FNDC3B: variants seen among roughly 807,000 people sequenced by gnomAD.
FNDC3B encodes the protein fibronectin type III domain containing 3B, also known as fibronectin type III domain-containing protein 3B.
FNDC3B carries 12 observed loss-of-function variants against 151.5 expected under a neutral mutation model. The ratio of observed to expected loss-of-function variants is 0.08; its 90% CI spans 0.05 to 0.13. The LOEUF is 0.13. Among genes scored for constraint, FNDC3B ranks in the 10% least tolerant of loss-of-function variants. The pLI, the probability that FNDC3B is intolerant of heterozygous loss-of-function variation, is 1.00. For missense variants in FNDC3B, 1,214 were observed against 1,505.3 expected (o/e 0.81, Z 3.20); for synonymous variants, 528 against 549.0 (o/e 0.96, Z 0.54).
rs138271070 is a variant in FNDC3B at position 172,303,952 on chromosome 3, A to G, written c.1062-3411A>G. 8.5e-4 allele frequency among the ~76,000 whole-genome samples: 129 copies of G among 152,364 alleles called. 2 individuals are homozygous for G. The highest frequency in any genetic ancestry group is 4.6e-3 in the East Asian group (24 of 5,192). ...TACATTGCCATGCAAAATGGCTGAC[A>G]AAATATTATGTGTGAAAAGCATTGA... On this transcript the variant is annotated intron_variant, in intron 9 of 25. Coordinates refer to ENST00000415807, the MANE Select transcript of FNDC3B (RefSeq NM_022763.4).
At chr3:172,285,859 A>C in intron 6 of FNDC3B, 67 bp from the exon 7 acceptor site, 4 of 1,200,720 alleles carry the variant, frequency 3.3e-6, no homozygotes, top group Non-Finnish European at 4.9e-6. Flanking sequence ...GGCCTTGGGG[A>C]AGGAACTTGA....
chr3:172,104,125 A>G (rs1205361187), intron 1 of FNDC3B, among the ~76,000 whole-genome samples: 1 of 152,170 alleles, frequency 6.6e-6, no homozygotes, highest in Non-Finnish European at 1.5e-5. Flanking sequence ...CTCAAGCTGT[A>G]CTTAAATGAA....
chr3:172,056,418 C>G (rs1716923160), intron 1 of FNDC3B, among the ~76,000 whole-genome samples: 1 of 152,122 alleles, frequency 6.6e-6, no homozygotes, highest in East Asian at 1.9e-4. Context: ...TTCTTGAGCC[C>G]TTGTCTATAG....
intron 3 of FNDC3B, among the ~76,000 whole-genome samples, chr3:172,200,031 A>ATTCG (rs1315415184): frequency 6.6e-6 from 1 of 151,866 alleles, no homozygotes; most frequent in East Asian, 1.9e-4. Context: ...TCATTCATTC[A>ATTCG]TTCTCTAACC....
intron 1 of FNDC3B, among the ~76,000 whole-genome samples, chr3:172,093,600 T>G (rs1718955239): frequency 1.3e-5 from 2 of 152,236 alleles, no homozygotes; most frequent in South Asian, 4.1e-4. Context: ...TCTCTTACTG[T>G]GTCGCCCAGG....
chr3:172,248,884 G>A (rs990509079), intron 5 of FNDC3B, among the ~76,000 whole-genome samples: 1 of 147,736 alleles, frequency 6.8e-6, no homozygotes, highest in East Asian at 2.0e-4. Flanking sequence ...TTTTTTTGTA[G>A]TCAAAGAAAT....
intron 6 of FNDC3B, among the ~76,000 whole-genome samples, chr3:172,258,300 G>A (rs1272067285): frequency 6.6e-6 from 1 of 152,112 alleles, no homozygotes; most frequent in Non-Finnish European, 1.5e-5. Flanking sequence ...AGTGATGAGG[G>A]CATTATTCTT....
chr3:172,322,270 C>T (rs1732123241), intron 11 of FNDC3B, among the ~76,000 whole-genome samples: 1 of 152,180 alleles, frequency 6.6e-6, no homozygotes, highest in East Asian at 1.9e-4. Flanking sequence ...TTGGACTGGA[C>T]CTATCTGGGG....
At chr3:172,171,646 T>G (rs1723290226) in intron 3 of FNDC3B, among the ~76,000 whole-genome samples, 1 of 149,794 alleles carries the variant, frequency 6.7e-6, no homozygotes, top group Non-Finnish European at 1.5e-5. Flanking sequence ...CTCCCCTGAC[T>G]CTCAGAATTC....
Position 172,175,360 on chromosome 3 carries a change from T to C in FNDC3B, c.187+41814T>C, listed in dbSNP as rs115019674. Among the ~76,000 whole-genome samples the C allele has an allele frequency of 4.1e-3, 619 of 152,280 alleles. 5 individuals are homozygous for C. Among genetic ancestry groups the C allele is most frequent in the African/African-American group, 0.014 (593 of 41,554 alleles). ...AGTGCTTTTTTTCCTCAGGATTTTA[T>C]AGTCCTATACGTGGTAGGTAGGCGG... On this transcript the variant is annotated intron_variant, in intron 3 of 25. Coordinates refer to ENST00000415807, the MANE Select transcript of FNDC3B (RefSeq NM_022763.4).
intron 3 of FNDC3B, among the ~76,000 whole-genome samples, chr3:172,145,922 T>C (rs1170105598): frequency 6.6e-6 from 1 of 151,224 alleles, no homozygotes; most frequent in Non-Finnish European, 1.5e-5. Context: ...TAAGCGATTC[T>C]CCTGCCTCAG....
intron 6 of FNDC3B, among the ~76,000 whole-genome samples, chr3:172,269,598 A>G (rs912427290): frequency 1.3e-5 from 2 of 152,078 alleles, no homozygotes. Context: ...TTGTAGAGCC[A>G]ACTGTACTAC....
chr3:172,082,387 T>A (rs763225060), intron 1 of FNDC3B, among the ~76,000 whole-genome samples: 2 of 152,230 alleles, frequency 1.3e-5, no homozygotes, highest in Non-Finnish European at 2.9e-5. Context: ...TGCTTGGCAT[T>A]TCTGCTTCTG....
At chr3:172,336,775 C>T (rs889194716) in intron 15 of FNDC3B, among the ~76,000 whole-genome samples, 10 of 151,292 alleles carry the variant, frequency 6.6e-5, no homozygotes, top group African/African-American at 1.2e-4. Flanking sequence ...TAGTGGCGGG[C>T]GCCTGTAATC....
chr3:172,221,912 C>G (rs576139582), intron 3 of FNDC3B, among the ~76,000 whole-genome samples: 4 of 152,328 alleles, frequency 2.6e-5, no homozygotes, highest in Admixed American at 2.6e-4. Flanking sequence ...CCATTATTAT[C>G]TGTTTACCTA....
intron 1 of FNDC3B, among the ~76,000 whole-genome samples, chr3:172,107,777 T>A (rs1407771254): frequency 6.6e-6 from 1 of 152,098 alleles, no homozygotes; most frequent in African/African-American, 2.4e-5. Context: ...GACTCCTCTC[T>A]GTGTGTGTAT....
intron 11 of FNDC3B, among the ~76,000 whole-genome samples, chr3:172,315,205 C>A (rs1016210531): frequency 6.6e-6 from 1 of 152,084 alleles, no homozygotes; most frequent in Non-Finnish European, 1.5e-5. Context: ...GGTGAAACCT[C>A]GTCTCTACTA....
At chr3:172,244,579 T>A (rs1037820575) in intron 4 of FNDC3B, among the ~76,000 whole-genome samples, 3 of 151,844 alleles carry the variant, frequency 2.0e-5, no homozygotes, top group African/African-American at 7.3e-5. Context: ...TATTCACATA[T>A]TTTTTATATT....
chr3:172,165,810 A>G (rs1722974270), intron 3 of FNDC3B, among the ~76,000 whole-genome samples: 1 of 152,222 alleles, frequency 6.6e-6, no homozygotes, highest in East Asian at 1.9e-4. Context: ...ATTTACTTAC[A>G]TGACACGAAT....
Sources: gnomAD v4.1 joint callset for allele counts (sites outside exome capture counted in the v4.1 genomes callset) on GRCh38, gnomAD v4.1.1 for gene constraint, MANE v1.5 for transcripts, NCBI Gene and HGNC (gene_info 2026-07-23, HGNC 2026-07-21) for gene names.